GRIP1: variants seen among roughly 807,000 people sequenced by gnomAD.
GRIP1 encodes glutamate receptor-interacting protein 1.
Under a neutral mutation model 129.9 loss-of-function variants are expected in GRIP1, and 45 were observed. That is an observed-to-expected ratio of 0.35 (90% CI 0.27 to 0.44). The LOEUF (loss-of-function observed/expected upper bound fraction) is 0.44, where lower values mean the gene tolerates loss of function less well. Among genes scored for constraint, GRIP1 ranks in the 20% least tolerant of loss-of-function variants. The pLI, the probability that GRIP1 is intolerant of heterozygous loss-of-function variation, is 1.00. For missense variants in GRIP1, 1,196 were observed against 1,396.8 expected (o/e 0.86, Z 2.29); for synonymous variants, 530 against 520.8 (o/e 1.02, Z -0.24).
At chr12:66,410,739 G>A (rs149803040) in intron 15 of GRIP1, among the ~76,000 whole-genome samples, 225 of 152,188 alleles carry the variant, frequency 1.5e-3, no homozygotes, top group African/African-American at 5.1e-3. Context: ...AAGAGTTATC[G>A]GCCTTAAAGA....
chr12:66,817,262 C>T (rs1466669364), intron 1 of GRIP1, among the ~76,000 whole-genome samples: 2 of 151,214 alleles, frequency 1.3e-5, no homozygotes, highest in Non-Finnish European at 2.9e-5. Context: ...TTCCCACGGA[C>T]TATTTCATTT....
intron 2 of GRIP1, among the ~76,000 whole-genome samples, chr12:66,586,502 G>A (rs954418432): frequency 2.6e-5 from 4 of 151,862 alleles, no homozygotes; most frequent in Non-Finnish European, 4.4e-5. Flanking sequence ...AAGACCTGTC[G>A]CCCACCCTCA....
intron 1 of GRIP1, among the ~76,000 whole-genome samples, chr12:66,694,386 G>A (rs973755020): frequency 6.6e-6 from 1 of 152,164 alleles, no homozygotes; most frequent in Non-Finnish European, 1.5e-5. Flanking sequence ...TGTGGAAACA[G>A]AGAGTTTCCA....
chr12:66,712,341 A>T (rs941325458), intron 1 of GRIP1, among the ~76,000 whole-genome samples: 1 of 151,768 alleles, frequency 6.6e-6, no homozygotes, highest in African/African-American at 2.4e-5. Flanking sequence ...AAAAACCCTT[A>T]TTTTCAGCAT....
At chr12:66,606,829 C>A (rs930919408) in intron 1 of GRIP1, among the ~76,000 whole-genome samples, 1 of 152,054 alleles carries the variant, frequency 6.6e-6, no homozygotes, top group Non-Finnish European at 1.5e-5. Context: ...TGCACAGGTA[C>A]AATTACATAA....
At chr12:66,646,988 A>G (rs1181390664) in intron 1 of GRIP1, among the ~76,000 whole-genome samples, 1 of 152,190 alleles carries the variant, frequency 6.6e-6, no homozygotes, top group African/African-American at 2.4e-5. Flanking sequence ...TAGTACCCTC[A>G]TTTTCCAGAT....
intron 1 of GRIP1, among the ~76,000 whole-genome samples, chr12:66,836,258 C>T (rs2039611502): frequency 6.6e-6 from 1 of 152,106 alleles, no homozygotes; most frequent in Non-Finnish European, 1.5e-5. Flanking sequence ...TCTCTAAATG[C>T]TTGGAGAAGA....
intron 1 of GRIP1, among the ~76,000 whole-genome samples, chr12:66,915,890 G>C (rs939322629): frequency 1.3e-5 from 2 of 152,156 alleles, no homozygotes; most frequent in Non-Finnish European, 2.9e-5. Context: ...AGCCAAAATT[G>C]GAAGCAAAGG....
At chr12:66,473,739 G>T (rs1275541910) in intron 7 of GRIP1, among the ~76,000 whole-genome samples, 5 of 152,188 alleles carry the variant, frequency 3.3e-5, no homozygotes, top group Non-Finnish European at 7.3e-5. Flanking sequence ...CAGCAGAGGG[G>T]CCTGGCTGTT....
At chr12:66,562,272 A>T (rs750522056) in intron 2 of GRIP1, among the ~76,000 whole-genome samples, 3 of 152,188 alleles carry the variant, frequency 2.0e-5, no homozygotes, top group Non-Finnish European at 2.9e-5. Flanking sequence ...CAACTTTTCC[A>T]CATTCACCCT....
intron 1 of GRIP1, among the ~76,000 whole-genome samples, chr12:67,056,730 G>A (rs1268317364): frequency 6.6e-6 from 1 of 152,170 alleles, no homozygotes; most frequent in African/African-American, 2.4e-5. Flanking sequence ...TAAACACTGA[G>A]AGATGAAACT....
At chr12:66,521,275 T>C (rs925180846) in intron 5 of GRIP1, among the ~76,000 whole-genome samples, 1 of 152,238 alleles carries the variant, frequency 6.6e-6, no homozygotes, top group Non-Finnish European at 1.5e-5. Context: ...ATTTGATTGA[T>C]TGATTTGTTA....
chr12:66,487,974 T>C (rs1257048061), intron 7 of GRIP1, among the ~76,000 whole-genome samples: 1 of 152,162 alleles, frequency 6.6e-6, no homozygotes, highest in African/African-American at 2.4e-5. Context: ...CCCAGATTCA[T>C]AAAGCAAGTT....
chr12:66,363,200 C>CATATATATATATATATATATATATATAT (rs35452357), intron 23 of GRIP1, among the ~76,000 whole-genome samples: 1 of 88,280 alleles, frequency 1.1e-5, no homozygotes, highest in Non-Finnish European at 2.1e-5. Context: ...TGTGTGTGTC[C>CATATATATATATATATATATATATATAT]ATATATATAT....
intron 1 of GRIP1, chr12:66,630,106 T>A (rs2140033259): frequency 6.6e-6 from 1 of 152,310 alleles, no homozygotes; most frequent in East Asian, 1.9e-4. Context: ...ATCCCAGCAC[T>A]TTGGGAGGCT....
chr12:66,867,349 CTT>C (rs1372558230), intron 1 of GRIP1, among the ~76,000 whole-genome samples: 3 of 152,068 alleles, frequency 2.0e-5, no homozygotes, highest in African/African-American at 7.2e-5. Context: ...ACTGGTGACT[CTT>C]GACTGAAATG....
At chr12:66,835,787 A>G (rs139633657) in intron 1 of GRIP1, among the ~76,000 whole-genome samples, 1 of 152,306 alleles carries the variant, frequency 6.6e-6, no homozygotes, top group Non-Finnish European at 1.5e-5. Context: ...AGGCAGTGAA[A>G]TCATTTTGCG....
intron 1 of GRIP1, among the ~76,000 whole-genome samples, chr12:67,064,011 G>T (rs991149315): frequency 6.6e-6 from 1 of 151,918 alleles, no homozygotes; most frequent in Non-Finnish European, 1.5e-5. Flanking sequence ...TGGCAAATAC[G>T]CTTTGAAAAA....
At chr12:66,486,491 A>G (rs2059958764) in intron 7 of GRIP1, among the ~76,000 whole-genome samples, 2 of 152,250 alleles carry the variant, frequency 1.3e-5, no homozygotes, top group Admixed American at 1.3e-4. Context: ...TAATTGAATC[A>G]TGGGGGCAGT....
Sources: allele counts gnomAD v4.1 joint callset (sites outside exome capture counted in the v4.1 genomes callset), GRCh38; gene constraint gnomAD v4.1.1; transcripts MANE v1.5; gene names NCBI Gene and HGNC (gene_info 2026-07-23, HGNC 2026-07-21).